Variants in DOCK8 observed in about 807,000 individuals in gnomAD.
The protein encoded by DOCK8 is dedicator of cytokinesis 8, also known as dedicator of cytokinesis protein 8.
A neutral mutation model predicts 245.6 loss-of-function variants in DOCK8; 141 were observed. The observed-to-expected ratio is 0.57, with a 90% CI of 0.50 to 0.66. The LOEUF (loss-of-function observed/expected upper bound fraction) is 0.66. Ranked by LOEUF, DOCK8 falls within the 30% of genes least tolerant of loss-of-function variation. DOCK8 has a pLI of 0.00. For synonymous variants in DOCK8, 1,168 were observed against 970.2 expected (o/e 1.20, Z -3.79); for missense variants, 2,965 against 2,603.4 (o/e 1.14, Z -3.02).
At chr9:444,574 A>G (rs1204506099) in intron 43 of DOCK8, among the ~76,000 whole-genome samples, 1 of 152,106 alleles carries the variant, frequency 6.6e-6, no homozygotes, top group Non-Finnish European at 1.5e-5. Context: ...TTGGGGTTTC[A>G]TTATGTAGGC....
rs1416892754 is a variant in DOCK8, at chr9:302,231, A to G, written c.405-2350A>G. On this transcript the variant is annotated intron_variant, in intron 4 of 47. Coordinates refer to ENST00000432829, the MANE Select transcript of DOCK8 (RefSeq NM_203447.4). The stretch of plus-strand genomic sequence containing the variant: ...CCATCTGATCTTTGACGAAGTTGAC[A>G]ATAACAAGCCATGAGGAAAGGTCTC... Among the ~76,000 whole-genome samples the G allele has an allele frequency of 3.9e-5, 6 of 152,228 alleles. No individual in the cohort carries two copies. In the East Asian group the frequency reaches 1.2e-3, roughly 29 times the overall value.
Position 382,477 on chromosome 9 carries a change from C to T in DOCK8, c.2606-36C>T, listed in dbSNP as rs780940965. ...AAACTCAGTAAGTAACTCTGTTCCC[C>T]TGTCTGTTGACATGTCTCTGCCTGG... On this transcript the variant is annotated intron_variant, in intron 21 of 47. Transcript: ENST00000432829. 5.8e-5 allele frequency: 94 copies of T among 1,612,432 alleles called. 1 individual carries two copies. The South Asian group carries it at 1.0e-3, about 18-fold the overall frequency.
chr9:381,430 TC>T (rs570342696), intron 21 of DOCK8: 1 of 152,168 alleles, frequency 6.6e-6, no homozygotes, highest in Non-Finnish European at 1.5e-5. Context: ...TTAAAAAAAA[TC>T]CCTTTTCACA....
intron 14 of DOCK8, chr9:365,771 C>CA (rs1186739645): frequency 2.5e-6 from 1 of 406,854 alleles, no homozygotes; most frequent in Non-Finnish European, 4.8e-6. Context: ...TCCCGCTTAA[C>CA]AGACATTAGC....
chr9:404,160 A>G lies in DOCK8; in HGVS notation c.3235-758A>G, dbSNP rs186931533. ...TGCATCAGCGCCCCTTCCTTCCCCT[A>G]TTTTGCCTTTAGAGGAGCTGCCTCT... On this transcript the variant is annotated intron_variant, in intron 26 of 47. Transcript: ENST00000432829. Among the ~76,000 whole-genome samples the G allele has an allele frequency of 2.7e-4, 41 of 151,332 alleles. No homozygotes were observed. The East Asian group carries it at 7.0e-3, about 26-fold the overall frequency.
At chr9:349,674 A>G (rs1384221346) in intron 14 of DOCK8, among the ~76,000 whole-genome samples, 1 of 152,218 alleles carries the variant, frequency 6.6e-6, no homozygotes, top group African/African-American at 2.4e-5. Context: ...CAGCGTTTCT[A>G]AACTTCTGTC....
chr9:427,351 G>A (rs1298672857), intron 34 of DOCK8, among the ~76,000 whole-genome samples: 1 of 152,210 alleles, frequency 6.6e-6, no homozygotes, highest in Non-Finnish European at 1.5e-5. Flanking sequence ...CCAGTTGAAT[G>A]ATGGTCACTG....
chr9:305,708 A>G (rs537614298), intron 5 of DOCK8, among the ~76,000 whole-genome samples: 5 of 152,324 alleles, frequency 3.3e-5, no homozygotes, highest in African/African-American at 1.2e-4. Context: ...CATTTGAAGA[A>G]CTCCAGCAAA....
intron 22 of DOCK8, among the ~76,000 whole-genome samples, chr9:384,714 A>G (rs2053874728): frequency 6.6e-6 from 1 of 152,164 alleles, no homozygotes; most frequent in Non-Finnish European, 1.5e-5. Context: ...CAGGAGATCG[A>G]GACCATCCTG....
At chr9:452,831 A>G (rs1000345701) in intron 46 of DOCK8, 1 of 152,262 alleles carries the variant, frequency 6.6e-6, no homozygotes, top group African/African-American at 2.4e-5. Context: ...CTTCAAGAGC[A>G]GTCAGTTAGG....
intron 26 of DOCK8, among the ~76,000 whole-genome samples, chr9:403,582 C>A (rs926609904): frequency 2.0e-5 from 3 of 151,996 alleles, no homozygotes; most frequent in Non-Finnish European, 4.4e-5. Flanking sequence ...AATATGTGTT[C>A]ATTTAAATTA....
chr9:276,142 C>T (rs559351277), intron 2 of DOCK8, among the ~76,000 whole-genome samples: 2 of 152,182 alleles, frequency 1.3e-5, no homozygotes, highest in South Asian at 2.1e-4. Flanking sequence ...CCGCCCGCCT[C>T]GGCCTCCCAA....
chr9:353,033 T>C (rs1443575861), intron 14 of DOCK8, among the ~76,000 whole-genome samples: 4 of 152,210 alleles, frequency 2.6e-5, no homozygotes, highest in African/African-American at 9.7e-5. Context: ...GCCCCTGCTG[T>C]GTGTCAGACA....
chr9:233,914 T>TA (rs2047183835), intron 1 of DOCK8, among the ~76,000 whole-genome samples: 2 of 152,200 alleles, frequency 1.3e-5, no homozygotes, highest in Admixed American at 1.3e-4. Context: ...TTAATATTGT[T>TA]ATGTGTGAAT....
At chr9:374,061 G>C (rs1240672928) in intron 18 of DOCK8, among the ~76,000 whole-genome samples, 1 of 152,190 alleles carries the variant, frequency 6.6e-6, no homozygotes, top group Non-Finnish European at 1.5e-5. Context: ...ATGAAACTGA[G>C]CCCATATCTG....
At chr9:415,883 C>T (rs997494467) in intron 29 of DOCK8, among the ~76,000 whole-genome samples, 2 of 152,084 alleles carry the variant, frequency 1.3e-5, no homozygotes, top group Non-Finnish European at 2.9e-5. Context: ...CCAGGTTTTC[C>T]CACCTCCTCC....
intron 26 of DOCK8, among the ~76,000 whole-genome samples, chr9:402,975 C>T (rs569090887): frequency 1.3e-5 from 2 of 152,258 alleles, no homozygotes; most frequent in Admixed American, 6.5e-5. Context: ...CTGCAAACTC[C>T]GCCTCACAGG....
At chr9:297,068 A>G (rs1244522795) in intron 4 of DOCK8, among the ~76,000 whole-genome samples, 1 of 152,144 alleles carries the variant, frequency 6.6e-6, no homozygotes, top group Non-Finnish European at 1.5e-5. Context: ...GTTCTGATGC[A>G]CCTTATGATT....
chr9:264,860 C>A (rs984705837), intron 1 of DOCK8, among the ~76,000 whole-genome samples: 1 of 152,212 alleles, frequency 6.6e-6, no homozygotes, highest in Non-Finnish European at 1.5e-5. Flanking sequence ...GCACAATGAT[C>A]TAACCCTTTG....
Sources: gnomAD v4.1 joint callset for allele counts (sites outside exome capture counted in the v4.1 genomes callset) on GRCh38, gnomAD v4.1.1 for gene constraint, MANE v1.5 for transcripts, NCBI Gene and HGNC (gene_info 2026-07-23, HGNC 2026-07-21) for gene names.